Variants in KCNIP1 observed in about 807,000 individuals in gnomAD.
The protein encoded by KCNIP1 is A-type potassium channel modulatory protein KCNIP1.
KCNIP1 carries 18 observed loss-of-function variants against 33.0 expected under a neutral mutation model. The ratio of observed to expected loss-of-function variants is 0.55; its 90% CI spans 0.38 to 0.81. The LOEUF is 0.81. Among genes scored for constraint, KCNIP1 ranks in the 30% least tolerant of loss-of-function variants. KCNIP1 has a pLI of 0.00. For synonymous variants in KCNIP1, 93 were observed against 98.3 expected, an observed-to-expected ratio of 0.95 and a Z score of 0.32; for missense variants, 238 against 271.6, an observed-to-expected ratio of 0.88 and a Z score of 0.87.
At chr5:170,629,877 G>T (rs1759988566) in intron 1 of KCNIP1, among the ~76,000 whole-genome samples, 1 of 152,272 alleles carries the variant, frequency 6.6e-6, no homozygotes, top group Non-Finnish European at 1.5e-5. Context: ...GAATTGTGCA[G>T]AAGGAAATTA....
rs115237535 is a variant in KCNIP1, at chr5:170,445,509, C to G, written c.88+91545C>G. Among the ~76,000 whole-genome samples the G allele has an allele frequency of 8.6e-3, 1,311 of 152,338 alleles. 7 individuals carry two copies. Among genetic ancestry groups the G allele is most frequent in the Non-Finnish European group, 0.013 (880 of 68,036 alleles). On this transcript the variant is annotated intron_variant, in intron 1 of 7. Coordinates refer to the KCNIP1 transcript ENST00000377360. Reference sequence around the variant, plus strand: ...CACTTTGCTGGTATTTATTAGGCCACGCAGTTCCCTTCCAAGTTTCCTCCT... The same window carrying G: ...CACTTTGCTGGTATTTATTAGGCCAGGCAGTTCCCTTCCAAGTTTCCTCCT...
At chr5:170,663,841 G>A (rs934084365) in intron 1 of KCNIP1, among the ~76,000 whole-genome samples, 7 of 151,742 alleles carry the variant, frequency 4.6e-5, no homozygotes, top group Non-Finnish European at 5.9e-5. Flanking sequence ...TCTCTGCACC[G>A]CTCCCAACTG....
chr5:170,661,314 T>C (rs746448447), intron 1 of KCNIP1, among the ~76,000 whole-genome samples: 12 of 152,354 alleles, frequency 7.9e-5, no homozygotes, highest in Admixed American at 1.3e-4. Context: ...TTTCTGCGTG[T>C]ACATTGACAT....
At chr5:170,593,965 T>C (rs1370459191) in intron 1 of KCNIP1, among the ~76,000 whole-genome samples, 1 of 152,214 alleles carries the variant, frequency 6.6e-6, no homozygotes, top group African/African-American at 2.4e-5. Context: ...TGGACCTCTG[T>C]TGTATAACAG....
rs942160078 is a variant in KCNIP1 at position 170,736,119 on chromosome 5, C to T, written c.*313C>T. The T allele has an allele frequency of 1.6e-5, 5 of 322,334 alleles. No individual in the cohort carries two copies. Among genetic ancestry groups the T allele is most frequent in the Non-Finnish European group, 1.1e-5 (2 of 174,850 alleles). 20.0% of individuals were successfully genotyped at this position (322,334 alleles called of 1,614,324 possible). On this transcript the variant is annotated 3_prime_UTR_variant, in exon 8 of 8. Coordinates refer to ENST00000328939, the MANE Select transcript of KCNIP1 (RefSeq NM_014592.4). ...CTCTGCTTAAGCTTAAACAGTAGTGCACAAAATATGCTGCTTACGTGCCCC... is the reference window on the plus strand; with the variant it reads ...CTCTGCTTAAGCTTAAACAGTAGTGTACAAAATATGCTGCTTACGTGCCCC...
At chr5:170,498,127 G>C (rs1331451999) in intron 1 of KCNIP1, among the ~76,000 whole-genome samples, 1 of 152,192 alleles carries the variant, frequency 6.6e-6, no homozygotes, top group Non-Finnish European at 1.5e-5. Context: ...CTCCTGGGGA[G>C]GTAGGGGAGA....
rs531873117 is a variant in KCNIP1 at position 170,496,495 on chromosome 5, A to C, written c.88+142531A>C. On this transcript the variant is annotated intron_variant, in intron 1 of 7. Coordinates refer to the KCNIP1 transcript ENST00000377360. ...CTGCCTCATCTATAAAACAGGAAAC[A>C]ATGAGAGTCTTTCCTTATGGGGCTA... 7.9e-5 allele frequency among the ~76,000 whole-genome samples: 12 copies of C among 152,288 alleles called. No homozygotes were observed. The South Asian group carries it at 2.5e-3, about 32-fold the overall frequency.
In KCNIP1 at chr5:170,575,475, C is replaced by G. The variant is rs1249639138; in HGVS notation, c.61+70842C>G. Among the ~76,000 whole-genome samples the G allele has an allele frequency of 3.9e-5, 6 of 152,306 alleles. No individual in the cohort carries two copies. The East Asian group carries it at 1.2e-3, about 29-fold the overall frequency. ...TCAATCTCAGTTACATAGGGAAGTT[C>G]CTACCCCTTTCTAGGAAAGGGTCTT... On this transcript the variant is annotated intron_variant, in intron 1 of 7. Transcript: ENST00000328939.
chr5:170,395,248 T>C (rs1754729085), intron 1 of KCNIP1, among the ~76,000 whole-genome samples: 1 of 152,260 alleles, frequency 6.6e-6, no homozygotes, highest in Non-Finnish European at 1.5e-5. Flanking sequence ...CTCTGCAGCC[T>C]TGCCAGCATC....
At chr5:170,425,787 A>C (rs549269304) in intron 1 of KCNIP1, among the ~76,000 whole-genome samples, 1 of 152,276 alleles carries the variant, frequency 6.6e-6, no homozygotes, top group African/African-American at 2.4e-5. Context: ...ACGCCCTAGC[A>C]AGATCTGGAA....
intron 1 of KCNIP1, among the ~76,000 whole-genome samples, chr5:170,598,886 C>T (rs1758563167): frequency 7.0e-6 from 1 of 142,310 alleles, no homozygotes; most frequent in Admixed American, 7.2e-5. Flanking sequence ...TCCCATAGCC[C>T]CGCTGTGTGT....
chr5:170,611,273 A>G (rs1759141057), intron 1 of KCNIP1, among the ~76,000 whole-genome samples: 1 of 152,250 alleles, frequency 6.6e-6, no homozygotes, highest in Non-Finnish European at 1.5e-5. Flanking sequence ...TATAGCTGTG[A>G]GAGTCCAGGC....
chr5:170,361,962 T>A (rs1327755703), intron 1 of KCNIP1, among the ~76,000 whole-genome samples: 3 of 152,196 alleles, frequency 2.0e-5, no homozygotes, highest in Non-Finnish European at 4.4e-5. Flanking sequence ...ATGGCTTTTT[T>A]TTCTGGGCTT....
intron 1 of KCNIP1, chr5:170,681,431 A>G (rs1457589827): frequency 2.0e-5 from 6 of 304,312 alleles, no homozygotes; most frequent in Admixed American, 1.0e-4. Context: ...CTCCGGCCCT[A>G]TGAGCATGTG....
At chr5:170,429,332 C>G (rs1755689077) in intron 1 of KCNIP1, among the ~76,000 whole-genome samples, 1 of 152,142 alleles carries the variant, frequency 6.6e-6, no homozygotes. Flanking sequence ...ATTGGAGGCT[C>G]ACCACAGTCC....
At chr5:170,663,139 T>C (rs187140971) in intron 1 of KCNIP1, among the ~76,000 whole-genome samples, 1 of 152,310 alleles carries the variant, frequency 6.6e-6, no homozygotes, top group African/African-American at 2.4e-5. Flanking sequence ...TCTGATCCTC[T>C]CAACGACTCC....
At chr5:170,465,848 G>T (rs917514008) in intron 1 of KCNIP1, among the ~76,000 whole-genome samples, 1 of 152,180 alleles carries the variant, frequency 6.6e-6, no homozygotes, top group African/African-American at 2.4e-5. Flanking sequence ...GAGGGAGGGA[G>T]ATGGTCCATT....
intron 1 of KCNIP1, among the ~76,000 whole-genome samples, chr5:170,650,165 T>C (rs1031256196): frequency 6.6e-6 from 1 of 152,180 alleles, no homozygotes; most frequent in Non-Finnish European, 1.5e-5. Flanking sequence ...AAAAGATATA[T>C]TGAAATATAA....
chr5:170,421,944 T>C (rs895330019), intron 1 of KCNIP1: 5 of 152,224 alleles, frequency 3.3e-5, no homozygotes, highest in Non-Finnish European at 5.9e-5. Context: ...TTTGTGTGAA[T>C]AAAATGATGT....
Sources: allele counts gnomAD v4.1 joint callset (sites outside exome capture counted in the v4.1 genomes callset), GRCh38; gene constraint gnomAD v4.1.1; transcripts MANE v1.5; gene names NCBI Gene and HGNC (gene_info 2026-07-23, HGNC 2026-07-21).